The following BICRAL variants were observed in gnomAD, a reference collection of about 807,000 sequenced individuals.
The protein encoded by BICRAL is BRD4-interacting chromatin-remodeling complex-associated protein-like.
Under a neutral mutation model 91.8 loss-of-function variants are expected in BICRAL, and 8 were observed. The observed-to-expected ratio is 0.09, with a 90% CI of 0.05 to 0.16. The LOEUF is 0.16. Among genes scored for constraint, BICRAL ranks in the 10% least tolerant of loss-of-function variants. BICRAL has a pLI of 1.00. For missense variants in BICRAL, 1,038 were observed against 1,310.9 expected, an observed-to-expected ratio of 0.79 and a Z score of 3.21; for synonymous variants, 445 against 491.1, an observed-to-expected ratio of 0.91 and a Z score of 1.24.
chr6:42,827,908 T>C (rs1764348335), intron 5 of BICRAL, among the ~76,000 whole-genome samples: 1 of 151,898 alleles, frequency 6.6e-6, no homozygotes, highest in Non-Finnish European at 1.5e-5. Flanking sequence ...GTAAATAAAG[T>C]CTGTGGCAGT....
At chr6:42,794,409 C>CTTTG (rs1582823888) in intron 1 of BICRAL, among the ~76,000 whole-genome samples, 1 of 122,100 alleles carries the variant, frequency 8.2e-6, no homozygotes, top group South Asian at 2.8e-4. Context: ...AATTCACTTA[C>CTTTG]TCTGTGTGTG....
intron 1 of BICRAL, among the ~76,000 whole-genome samples, chr6:42,754,655 G>C (rs982581933): frequency 6.6e-6 from 1 of 152,228 alleles, no homozygotes; most frequent in Non-Finnish European, 1.5e-5. Flanking sequence ...ACTTTGGAAG[G>C]CTGGGGCAAA....
intron 1 of BICRAL, among the ~76,000 whole-genome samples, chr6:42,765,754 G>T (rs1246230380): frequency 6.6e-6 from 1 of 152,078 alleles, no homozygotes; most frequent in Non-Finnish European, 1.5e-5. Context: ...TCTCTTGTTG[G>T]TAGCTCTACA....
intron 6 of BICRAL, among the ~76,000 whole-genome samples, chr6:42,837,349 T>C (rs1399122397): frequency 6.6e-6 from 1 of 152,190 alleles, no homozygotes; most frequent in Non-Finnish European, 1.5e-5. Context: ...TGTAGAAATG[T>C]AATTCAGCAG....
At chr6:42,817,137 ACAT>A (rs1764016026) in intron 2 of BICRAL, among the ~76,000 whole-genome samples, 2 of 150,446 alleles carry the variant, frequency 1.3e-5, no homozygotes, top group Non-Finnish European at 1.5e-5. Flanking sequence ...TTACACACAC[ACAT>A]CATTTATATG....
chr6:42,820,840 C>G (rs1764117793), intron 2 of BICRAL, among the ~76,000 whole-genome samples: 1 of 152,176 alleles, frequency 6.6e-6, no homozygotes, highest in African/African-American at 2.4e-5. Context: ...AGGGGAAGAT[C>G]ACTGGCAGAT....
At position 42,866,913 on chromosome 6, in the gene BICRAL, T is replaced by C; in HGVS notation, c.*1467T>C. 2.2e-6 allele frequency: 1 copy of C among 455,818 alleles called. No homozygotes were observed. Among genetic ancestry groups the C allele is most frequent in the South Asian group, 1.5e-5 (1 of 64,544 alleles). The allele number at this position is 455,818 out of a possible 1,614,324, so 28.2% of individuals were successfully genotyped here. A position where few individuals can be genotyped will look rare whatever the true frequency, so the allele number is the denominator to read the frequency against. On this transcript the variant is annotated 3_prime_UTR_variant, in exon 13 of 13. Coordinates refer to ENST00000314073, the MANE Select transcript of BICRAL (RefSeq NM_001393499.1). ...TACATGATAGTATTTTTATGCACTC[T>C]TCTCCCACACATACACACACGTGCA...
At chr6:42,793,802 T>C (rs1424737477) in intron 1 of BICRAL, among the ~76,000 whole-genome samples, 1 of 136,884 alleles carries the variant, frequency 7.3e-6, no homozygotes, top group Non-Finnish European at 1.5e-5. Context: ...AGGGTCTTGC[T>C]CTGTTGCCCG....
intron 1 of BICRAL, among the ~76,000 whole-genome samples, chr6:42,753,585 A>T (rs1447072282): frequency 6.6e-6 from 1 of 152,118 alleles, no homozygotes; most frequent in Non-Finnish European, 1.5e-5. Flanking sequence ...AGGAGGAGGG[A>T]CATCCTCTCT....
chr6:42,782,368 G>T (rs1762939163), intron 1 of BICRAL, among the ~76,000 whole-genome samples: 2 of 144,816 alleles, frequency 1.4e-5, no homozygotes, highest in African/African-American at 2.6e-5. Flanking sequence ...TTGTGGGTGG[G>T]TGATGGTGGT....
rs141232967 is a variant in BICRAL at position 42,806,824 on chromosome 6, T to A, written c.-101-3482T>A. The stretch of plus-strand genomic sequence containing the variant: ...GCCACTGTGCTCAGCTGGTATTTCA[T>A]GTTTGTTTGTTTGTTTGTTTTTTGA... On this transcript the variant is annotated intron_variant, in intron 1 of 12. Coordinates refer to ENST00000314073, the MANE Select transcript of BICRAL (RefSeq NM_001393499.1). Among the ~76,000 whole-genome samples the A allele has an allele frequency of 7.2e-3, 1,085 of 151,732 alleles. 6 individuals are homozygous for A. Among genetic ancestry groups the A allele is most frequent in the African/African-American group, 0.023 (957 of 41,388 alleles).
At chr6:42,769,326 C>CTT (rs1258940255) in intron 1 of BICRAL, among the ~76,000 whole-genome samples, 3 of 152,194 alleles carry the variant, frequency 2.0e-5, no homozygotes, top group Non-Finnish European at 4.4e-5. Context: ...CATAGACTCT[C>CTT]TGAGTGTCCT....
At chr6:42,857,304 A>C in intron 10 of BICRAL, 68 bp downstream of exon 10, 1 of 1,323,076 alleles carries the variant, frequency 7.6e-7, no homozygotes, top group South Asian at 1.3e-5. Flanking sequence ...CCCCCCAGAA[A>C]AGCAAGAGCC....
chr6:42,764,515 G>A (rs1003852679), intron 1 of BICRAL, among the ~76,000 whole-genome samples: 6 of 151,650 alleles, frequency 4.0e-5, no homozygotes, highest in African/African-American at 1.5e-4. Context: ...TTGCACCTGG[G>A]CAGCAGAGTA....
chr6:42,855,823 A>T lies in BICRAL; in HGVS notation c.2047-33A>T, dbSNP rs770947992. On this transcript the variant is annotated intron_variant, in intron 8 of 12. Coordinates refer to ENST00000314073, the MANE Select transcript of BICRAL (RefSeq NM_001393499.1). ...TATAACTGTATTCTTTTTTCTATAA[A>T]AGGGAATAATAAGAGGTTTGTTTTG... is the stretch of plus-strand genomic sequence containing the variant. The T allele has an allele frequency of 7.7e-6, 12 of 1,561,820 alleles. No individual in the cohort carries two copies. In the East Asian group the frequency reaches 2.5e-4, roughly 32 times the overall value.
At chr6:42,809,258 G>A (rs1337441765) in intron 1 of BICRAL, among the ~76,000 whole-genome samples, 4 of 151,724 alleles carry the variant, frequency 2.6e-5, no homozygotes, top group Admixed American at 2.6e-4. Context: ...TCCCTGCAAA[G>A]GATATGAACT....
chr6:42,747,896 C>T (rs1562444539), intron 1 of BICRAL, among the ~76,000 whole-genome samples: 1 of 151,116 alleles, frequency 6.6e-6, no homozygotes, highest in Non-Finnish European at 1.5e-5. Flanking sequence ...TATCCGCCTC[C>T]CGAGTTCAAG....
At chr6:42,852,433 G>C in intron 7 of BICRAL, 1 of 623,592 alleles carries the variant, frequency 1.6e-6, no homozygotes, top group South Asian at 1.5e-5. Flanking sequence ...AGGCCAAGGA[G>C]AGTGGATCAC....
intron 1 of BICRAL, among the ~76,000 whole-genome samples, chr6:42,797,559 T>C (rs1763449039): frequency 6.6e-6 from 1 of 152,180 alleles, no homozygotes; most frequent in Admixed American, 6.5e-5. Flanking sequence ...AGTTTCTTCC[T>C]CTGGATAGAG....
Sources: allele counts gnomAD v4.1 joint callset (sites outside exome capture counted in the v4.1 genomes callset), GRCh38; gene constraint gnomAD v4.1.1; transcripts MANE v1.5; gene names NCBI Gene and HGNC (gene_info 2026-07-23, HGNC 2026-07-21).